RPS6KA2: variants seen among roughly 807,000 people sequenced by gnomAD.
RPS6KA2 encodes ribosomal protein S6 kinase alpha-2.
A neutral mutation model predicts 91.8 loss-of-function variants in RPS6KA2; 42 were observed. The observed-to-expected ratio is 0.46, with a 90% CI of 0.36 to 0.59. The LOEUF (loss-of-function observed/expected upper bound fraction) is 0.59, where lower values mean the gene tolerates loss of function less well. Among genes scored for constraint, RPS6KA2 ranks in the 20% least tolerant of loss-of-function variants. RPS6KA2 has a pLI of 0.00. For synonymous variants in RPS6KA2, 414 were observed against 393.6 expected, an observed-to-expected ratio of 1.05 and a Z score of -0.61; for missense variants, 798 against 978.5, an observed-to-expected ratio of 0.82 and a Z score of 2.46.
At chr6:166,858,343 G>T in intron 1 of RPS6KA2, 1 of 713,638 alleles carries the variant, frequency 1.4e-6, no homozygotes. Flanking sequence ...ATATGAAAAA[G>T]TACTAACTAA....
chr6:166,448,646 C>T lies in RPS6KA2; in HGVS notation c.1332+78G>A, dbSNP rs1779753845. The T allele has an allele frequency of 1.3e-6, 2 of 1,499,026 alleles. No homozygotes were observed. Among genetic ancestry groups the T allele is most frequent in the East Asian group, 4.9e-5 (2 of 40,574 alleles). The allele number at this position is 1,499,026 out of a possible 1,614,324, so 92.9% of individuals were successfully genotyped here. On this transcript the variant is annotated intron_variant, in intron 14 of 20. Coordinates refer to ENST00000265678, the MANE Select transcript of RPS6KA2 (RefSeq NM_021135.6). This position sits in a 1 kb window ranked among gnomAD's most constrained non-coding sequence, Gnocchi z 4.7. ...CAGGGCCCTGCTATGCTCCTATGCT[C>T]CGTGCTCCCACATACCACACGTGCT...
At chr6:166,597,016 G>A (rs1271256161) in intron 1 of RPS6KA2, among the ~76,000 whole-genome samples, 1 of 152,184 alleles carries the variant, frequency 6.6e-6, no homozygotes, top group African/African-American at 2.4e-5. Flanking sequence ...GGGCACATGT[G>A]ATGTCAGGCA....
chr6:166,616,734 C>T (rs1401697650), intron 1 of RPS6KA2, among the ~76,000 whole-genome samples: 1 of 152,218 alleles, frequency 6.6e-6, no homozygotes, highest in East Asian at 1.9e-4. Flanking sequence ...GGGAGCAGGG[C>T]CTGATGGCCA....
At chr6:166,465,954 GC>G (rs1780505852) in intron 11 of RPS6KA2, among the ~76,000 whole-genome samples, 1 of 152,228 alleles carries the variant, frequency 6.6e-6, no homozygotes, top group African/African-American at 2.4e-5. Flanking sequence ...TGGGTTCAGG[GC>G]GCTGGGCAGA....
At chr6:166,722,202 T>A (rs1441297309) in intron 2 of RPS6KA2, among the ~76,000 whole-genome samples, 4 of 152,180 alleles carry the variant, frequency 2.6e-5, no homozygotes, top group Non-Finnish European at 5.9e-5. Flanking sequence ...CCATCCTAAA[T>A]TCCAGCCCTG....
At chr6:166,736,440 C>T (rs1328471149) in intron 2 of RPS6KA2, among the ~76,000 whole-genome samples, 2 of 152,322 alleles carry the variant, frequency 1.3e-5, no homozygotes, top group East Asian at 3.9e-4. Flanking sequence ...CTATTTGCCA[C>T]TTAGTGTCAT....
chr6:166,862,118 A>G, exon 1 of RPS6KA2: 1 of 1,614,236 alleles, frequency 6.2e-7, no homozygotes, highest in Non-Finnish European at 8.5e-7. Context: ...CTCTATTTCC[A>G]TAGGCTCCAC....
chr6:166,753,531 A>T (rs1777910719), intron 2 of RPS6KA2, among the ~76,000 whole-genome samples: 1 of 152,212 alleles, frequency 6.6e-6, no homozygotes, highest in Admixed American at 6.5e-5. Context: ...ATACTATGAC[A>T]TCATATTGCA....
chr6:166,787,328 T>G (rs950121867), intron 2 of RPS6KA2, among the ~76,000 whole-genome samples: 14 of 152,146 alleles, frequency 9.2e-5, no homozygotes, highest in Non-Finnish European at 1.8e-4. Context: ...TAAAAATATT[T>G]AAGTGTTTTG....
chr6:166,855,496 G>C (rs551475864), intron 2 of RPS6KA2, among the ~76,000 whole-genome samples: 1 of 115,534 alleles, frequency 8.7e-6, no homozygotes, highest in East Asian at 3.8e-4. Context: ...AGAGGAAGAA[G>C]AAGAGGAAGA....
At chr6:166,585,959 G>A (rs1430927415) in intron 1 of RPS6KA2, among the ~76,000 whole-genome samples, 2 of 30,270 alleles carry the variant, frequency 6.6e-5, no homozygotes, top group Non-Finnish European at 1.1e-4. Flanking sequence ...AGCAACCATC[G>A]CATTTCGCAA....
rs1781675074 is a variant in RPS6KA2, at chr6:166,493,430, C to T, written c.748-2689G>A. On this transcript the variant is annotated intron_variant, in intron 8 of 20. Transcript: ENST00000265678. The surrounding 1 kb of genome is among the most constrained non-coding windows in gnomAD (Gnocchi z 4.7). The stretch of plus-strand genomic sequence containing the variant: ...GGTTTTGCTGATGAGTTTCTTGGGA[C>T]GTTATTTACAGTAAGACTTTTGCTG... Among the ~76,000 whole-genome samples, 1 of 152,012 alleles carries T rather than the reference C, an allele frequency of 6.6e-6. No individual in the cohort carries two copies. Among genetic ancestry groups the T allele is most frequent in the Non-Finnish European group, 1.5e-5 (1 of 68,014 alleles).
At chr6:166,506,472 G>A (rs953599530) in intron 5 of RPS6KA2, among the ~76,000 whole-genome samples, 1 of 152,202 alleles carries the variant, frequency 6.6e-6, no homozygotes, top group African/African-American at 2.4e-5. Flanking sequence ...ATGAGGAATG[G>A]GCAGACACCA....
chr6:166,528,220 G>C (rs1196473551), intron 3 of RPS6KA2, among the ~76,000 whole-genome samples: 2 of 152,166 alleles, frequency 1.3e-5, no homozygotes, highest in African/African-American at 4.8e-5. Context: ...TAACTGAAGA[G>C]ACATAGACCA....
chr6:166,531,420 A>G (rs762530225), intron 2 of RPS6KA2, 107 bp from the exon 3 acceptor site: 1 of 843,906 alleles, frequency 1.2e-6, no homozygotes, highest in Non-Finnish European at 2.0e-6. Context: ...ATTTTCAATA[A>G]AACAAGTACA....
At chr6:166,588,616 ATGTACATAATTCCTATT>A (rs1193156220) in intron 1 of RPS6KA2, among the ~76,000 whole-genome samples, 2 of 152,210 alleles carry the variant, frequency 1.3e-5, no homozygotes, top group African/African-American at 4.8e-5. Context: ...GTAGCCTTGC[ATGTACATAATTCCTATT>A]TGTACAGAAA....
chr6:166,451,175 A>G lies in RPS6KA2; in HGVS notation c.1134T>C (p.Phe378=). Residue 378 remains phenylalanine (F), a synonymous_variant, in exon 13 of 21, where the codon TTT becomes TTC. Transcript: ENST00000265678. ...NAHHLFRGFS[F]VASSLIQEPS... is the part of the protein sequence containing the mutation. ...GCTCCTGGATCAGGCTTGAGGCCAC[A>G]AAGCTGAATCCTCTAAACAGGTGAT... 2 of 1,614,120 alleles carry G rather than the reference A, an allele frequency of 1.2e-6. No individual in the cohort carries two copies. The highest frequency in any genetic ancestry group is 1.3e-5 in the African/African-American group (1 of 75,024).
intron 14 of RPS6KA2, chr6:166,440,137 G>A (rs1030496095): frequency 2.0e-5 from 3 of 152,236 alleles, no homozygotes; most frequent in Non-Finnish European, 4.4e-5. Context: ...GCCACTAGAT[G>A]TGGGGTAATG....
chr6:166,754,900 C>G (rs1436222982), intron 2 of RPS6KA2, among the ~76,000 whole-genome samples: 3 of 152,182 alleles, frequency 2.0e-5, no homozygotes, highest in African/African-American at 7.2e-5. Context: ...CCCTGTCGCT[C>G]ACTCGTCACA....
Sources: gnomAD v4.1 joint callset for allele counts (sites outside exome capture counted in the v4.1 genomes callset) on GRCh38, gnomAD v4.1.1 for gene constraint, Gnocchi (gnomAD v3.1) non-coding constraint, MANE v1.5 for transcripts, NCBI Gene and HGNC (gene_info 2026-07-23, HGNC 2026-07-21) for gene names.